Variants in PCDH15 observed in about 807,000 individuals in gnomAD.
PCDH15 encodes protocadherin related 15.
PCDH15 carries 129 observed loss-of-function variants against 178.5 expected under a neutral mutation model. That is an observed-to-expected ratio of 0.72 (90% CI 0.63 to 0.84). PCDH15 has a LOEUF of 0.84. PCDH15 is among the 40% of genes least tolerant of loss of function. The pLI is 0.00. For synonymous variants in PCDH15, 800 were observed against 732.0 expected, an observed-to-expected ratio of 1.09 and a Z score of -1.50; for missense variants, 2,230 against 2,099.9, an observed-to-expected ratio of 1.06 and a Z score of -1.21.
chr10:55,084,988 T>C (rs967709104), intron 2 of PCDH15, among the ~76,000 whole-genome samples: 2 of 151,948 alleles, frequency 1.3e-5, no homozygotes, highest in Non-Finnish European at 2.9e-5. Context: ...GAATGTAAAT[T>C]AGTACAGCCA....
At chr10:54,251,053 T>C (rs1311029871) in intron 8 of PCDH15, among the ~76,000 whole-genome samples, 1 of 152,244 alleles carries the variant, frequency 6.6e-6, no homozygotes. Context: ...AGTACTTTTA[T>C]TCTGAAGATA....
intron 1 of PCDH15, among the ~76,000 whole-genome samples, chr10:54,800,355 A>C (rs945100372): frequency 1.2e-4 from 19 of 152,198 alleles, no homozygotes; most frequent in African/African-American, 3.9e-4. Flanking sequence ...ATGCTTCCAG[A>C]TACGCACAAA....
intron 2 of PCDH15, among the ~76,000 whole-genome samples, chr10:55,055,963 T>C (rs1003283753): frequency 4.6e-5 from 7 of 152,198 alleles, no homozygotes; most frequent in East Asian, 3.8e-4. Context: ...AACTTGAAGA[T>C]GTACCTTTCA....
intron 5 of PCDH15, among the ~76,000 whole-genome samples, chr10:54,346,795 T>C (rs1313026559): frequency 2.0e-5 from 3 of 152,198 alleles, no homozygotes; most frequent in Admixed American, 2.0e-4. Flanking sequence ...GCATCTGTTG[T>C]TTCTCCTCAA....
At chr10:53,853,711 A>G (rs908873981) in intron 28 of PCDH15, among the ~76,000 whole-genome samples, 1 of 152,040 alleles carries the variant, frequency 6.6e-6, no homozygotes, top group Non-Finnish European at 1.5e-5. Context: ...TCAAATGACA[A>G]TGATATATCA....
chr10:54,079,301 T>A (rs1454486293), intron 17 of PCDH15, 30 bp downstream of exon 17: 2 of 1,597,930 alleles, frequency 1.3e-6, no homozygotes, highest in African/African-American at 1.3e-5. Context: ...AATACTATTT[T>A]TAAAACCCCT....
At chr10:53,883,415 ATC>A (rs2080873601) in intron 26 of PCDH15, among the ~76,000 whole-genome samples, 2 of 152,100 alleles carry the variant, frequency 1.3e-5, no homozygotes, top group Non-Finnish European at 2.9e-5. Context: ...TTTTCTTTGC[ATC>A]ATCATCTCCT....
Position 53,821,730 on chromosome 10 carries a change from G to GA in PCDH15, c.4368-1501dup, listed in dbSNP as rs548021914. Reference sequence around the variant, plus strand: ...TAATATCTTTTTAAATTAAAAACGAGAAAAAAAACTGCATTTCATTGAATT... The same window carrying GA: ...TAATATCTTTTTAAATTAAAAACGAGAAAAAAAAACTGCATTTCATTGAATT... On this transcript the variant is annotated intron_variant, in intron 32 of 37. Transcript: ENST00000644397. 2.4e-4 allele frequency: 361 copies of GA among 1,519,048 alleles called. 5 individuals are homozygous for GA. In the East Asian group the frequency reaches 7.4e-3, roughly 31 times the overall value. 94.1% of individuals were successfully genotyped at this position (1,519,048 alleles called of 1,614,324 possible).
intron 8 of PCDH15, among the ~76,000 whole-genome samples, chr10:54,315,729 C>G (rs1331583076): frequency 2.0e-5 from 3 of 151,876 alleles, no homozygotes; most frequent in Non-Finnish European, 4.4e-5. Flanking sequence ...GGGGGGGGTC[C>G]AGCTTCAATC....
intron 2 of PCDH15, among the ~76,000 whole-genome samples, chr10:55,381,047 T>C (rs1001051665): frequency 6.6e-6 from 1 of 152,156 alleles, no homozygotes; most frequent in African/African-American, 2.4e-5. Context: ...TGTTAATAAA[T>C]GTTGAGAGGC....
At chr10:54,051,266 G>T (rs2093767501) in intron 18 of PCDH15, among the ~76,000 whole-genome samples, 1 of 152,134 alleles carries the variant, frequency 6.6e-6, no homozygotes, top group African/African-American at 2.4e-5. Context: ...GGAACAGTTT[G>T]GGGGGCTCAG....
At chr10:54,717,766 T>C (rs1193623027) in intron 1 of PCDH15, among the ~76,000 whole-genome samples, 1 of 143,112 alleles carries the variant, frequency 7.0e-6, no homozygotes, top group African/African-American at 2.7e-5. Context: ...ACTGGGTATA[T>C]ACCCAAAGGA....
chr10:55,615,245 A>G (rs1843450475), intron 2 of PCDH15, among the ~76,000 whole-genome samples: 1 of 152,174 alleles, frequency 6.6e-6, no homozygotes, highest in Admixed American at 6.5e-5. Flanking sequence ...ACATTTAAAG[A>G]ATATAACTTA....
At chr10:55,559,611 A>G (rs1842154001) in intron 2 of PCDH15, among the ~76,000 whole-genome samples, 1 of 151,968 alleles carries the variant, frequency 6.6e-6, no homozygotes, top group African/African-American at 2.4e-5. Flanking sequence ...TAGACCACTG[A>G]TATTGAAATG....
chr10:54,819,920 T>G (rs902426844), intron 3 of PCDH15, among the ~76,000 whole-genome samples: 1 of 152,104 alleles, frequency 6.6e-6, no homozygotes, highest in Non-Finnish European at 1.5e-5. Flanking sequence ...TCTTGTAGTT[T>G]ATTCCTTTGT....
At chr10:55,573,713 C>G (rs1356601765) in intron 2 of PCDH15, among the ~76,000 whole-genome samples, 1 of 151,988 alleles carries the variant, frequency 6.6e-6, no homozygotes, top group East Asian at 1.9e-4. Flanking sequence ...ATACTTCACA[C>G]TAAGCCAATA....
At chr10:54,219,221 G>A (rs1233810172) in intron 9 of PCDH15, among the ~76,000 whole-genome samples, 6 of 147,160 alleles carry the variant, frequency 4.1e-5, no homozygotes, top group Admixed American at 2.7e-4. Context: ...CTTGCAGTGA[G>A]CTGAGATTGT....
chr10:55,301,173 A>G (rs1019747276), intron 1 of PCDH15, among the ~76,000 whole-genome samples: 9 of 152,178 alleles, frequency 5.9e-5, no homozygotes. Context: ...TTTGGCAACA[A>G]ACTGTTCAAA....
At chr10:54,905,888 C>T (rs911642988) in intron 2 of PCDH15, among the ~76,000 whole-genome samples, 3 of 152,000 alleles carry the variant, frequency 2.0e-5, no homozygotes, top group South Asian at 2.1e-4. Flanking sequence ...GCAGATTAAC[C>T]GATTTACTTT....
Sources: gnomAD v4.1 joint callset for allele counts (sites outside exome capture counted in the v4.1 genomes callset) on GRCh38, gnomAD v4.1.1 for gene constraint, MANE v1.5 for transcripts, NCBI Gene and HGNC (gene_info 2026-07-23, HGNC 2026-07-21) for gene names.